The following TTC7B variants were observed in gnomAD, a reference collection of about 807,000 sequenced individuals.
The protein encoded by TTC7B is tetratricopeptide repeat domain 7B.
A neutral mutation model predicts 106.8 loss-of-function variants in TTC7B; 28 were observed. That is an observed-to-expected ratio of 0.26 (90% CI 0.19 to 0.36). The LOEUF is 0.36. Ranked by LOEUF, TTC7B falls within the 10% of genes least tolerant of loss-of-function variation. The probability of loss-of-function intolerance (pLI) is 1.00; values close to 1 mark genes in which losing one functional copy is unlikely to be tolerated. For synonymous variants in TTC7B, 405 were observed against 430.6 expected, an observed-to-expected ratio of 0.94 and a Z score of 0.74; for missense variants, 862 against 1,076.4, an observed-to-expected ratio of 0.80 and a Z score of 2.79.
At position 90,537,373 on chromosome 14, in the gene TTC7B, T is replaced by TGGGGG. The variant is rs57246097; in HGVS notation, c.*3990_*3994dup. On this transcript the variant is annotated 3_prime_UTR_variant, in exon 20 of 20. Transcript: ENST00000328459. Reference sequence around the variant, plus strand: ...GGCTATTTTTTTTTTTTTGTAGAGATGGGGGGGGGGTCTCACCATGTTGCC... The same window carrying TGGGGG: ...GGCTATTTTTTTTTTTTTGTAGAGATGGGGGGGGGGGGGGGTCTCACCATGTTGCC... 6 of 54,448 alleles carry TGGGGG rather than the reference T, an allele frequency of 1.1e-4. No homozygotes were observed. Among genetic ancestry groups the TGGGGG allele is most frequent in the African/African-American group, 3.7e-4 (6 of 16,156 alleles). 3.4% of individuals were successfully genotyped at this position (54,448 alleles called of 1,614,324 possible). A position where few individuals can be genotyped will look rare whatever the true frequency, so the allele number is the denominator to read the frequency against.
In TTC7B at chr14:90,578,131, G is replaced by T. The variant is rs762935964; in HGVS notation, c.2285C>A (p.Thr762Asn). 1 of 1,612,248 alleles carries T rather than the reference G, an allele frequency of 6.2e-7. No individual in the cohort carries two copies. Among genetic ancestry groups the T allele is most frequent in the South Asian group, 1.1e-5 (1 of 90,514 alleles). ...WYEEALAISP[T>N]HVKSMQRLAL... Reference sequence around the variant, plus strand: ...CAGTCGCTGCATGCTCTTCACGTGGGTGGGGCTGATGGCTAAGGCCTCTTC... The same window carrying T: ...CAGTCGCTGCATGCTCTTCACGTGGTTGGGGCTGATGGCTAAGGCCTCTTC... The change falls in exon 19 of 20, where the codon ACC becomes AAC. Residue 762 changes from threonine to asparagine, a missense_variant. Thr to Asn is a moderately conservative substitution (Grantham distance 65, BLOSUM62 0). Coordinates refer to ENST00000328459, the MANE Select transcript of TTC7B (RefSeq NM_001010854.2). The surrounding 1 kb of genome is among the most constrained non-coding windows in gnomAD (Gnocchi z 4.7).
chr14:90,610,965 T>A, intron 16 of TTC7B, 126 bp from the exon 17 acceptor site: 2 of 729,278 alleles, frequency 2.7e-6, no homozygotes, highest in South Asian at 1.5e-5. Flanking sequence ...TTCTTCAGCA[T>A]CTTTCTTATG....
intron 6 of TTC7B, among the ~76,000 whole-genome samples, chr14:90,691,115 A>G (rs1887451908): frequency 6.6e-6 from 1 of 152,170 alleles, no homozygotes; most frequent in Non-Finnish European, 1.5e-5. Flanking sequence ...TAAGCTAATG[A>G]CTTTTGCTGG....
At chr14:90,644,257 GCACACACACACACA>G in intron 14 of TTC7B, 49 bp from the exon 15 acceptor site, 2 of 1,173,356 alleles carry the variant, frequency 1.7e-6, no homozygotes, top group South Asian at 3.3e-5. Context: ...ACATGCACAC[GCACACACACACACA>G]CACACACACG....
chr14:90,574,491 T>G (rs543767589), intron 19 of TTC7B, among the ~76,000 whole-genome samples: 1 of 152,372 alleles, frequency 6.6e-6, no homozygotes, highest in South Asian at 2.1e-4. Flanking sequence ...CACATGAATT[T>G]AGACACATAC....
At chr14:90,646,679 TC>T in intron 14 of TTC7B, 1 of 449,224 alleles carries the variant, frequency 2.2e-6, no homozygotes, top group Non-Finnish European at 4.1e-6. Context: ...CATGTGCTGC[TC>T]CCCAGGTTGC....
chr14:90,633,976 G>A (rs768892448), intron 15 of TTC7B, among the ~76,000 whole-genome samples: 7 of 151,996 alleles, frequency 4.6e-5, no homozygotes, highest in Non-Finnish European at 7.4e-5. Flanking sequence ...CCAGGTTCAA[G>A]TGATTCTCCT....
intron 3 of TTC7B, among the ~76,000 whole-genome samples, chr14:90,763,471 T>C (rs959543776): frequency 6.6e-6 from 1 of 152,182 alleles, no homozygotes; most frequent in African/African-American, 2.4e-5. Flanking sequence ...TCCACTCTGG[T>C]CATTTCTAAT....
intron 3 of TTC7B, among the ~76,000 whole-genome samples, chr14:90,771,850 C>T (rs28667092): frequency 0.32 from 47,571 of 147,528 alleles, 10,892 homozygotes; most frequent in African/African-American, 0.66. Flanking sequence ...TGGTACCTGA[C>T]TTTATTTATA....
intron 4 of TTC7B, 128 bp from the exon 5 acceptor site, chr14:90,730,324 A>AT: frequency 8.8e-7 from 1 of 1,132,740 alleles, no homozygotes; most frequent in African/African-American, 1.6e-5. Context: ...GTGCAGAGGC[A>AT]CAGGTGTAGA....
intron 3 of TTC7B, among the ~76,000 whole-genome samples, chr14:90,746,055 A>T (rs1171564595): frequency 6.6e-6 from 1 of 152,184 alleles, no homozygotes; most frequent in Non-Finnish European, 1.5e-5. Flanking sequence ...GTTTCCTTCA[A>T]ATGCCTCCAT....
intron 5 of TTC7B, among the ~76,000 whole-genome samples, chr14:90,718,403 A>G (rs1219561117): frequency 6.6e-6 from 1 of 152,236 alleles, no homozygotes; most frequent in Admixed American, 6.5e-5. Flanking sequence ...CCCTCCAACC[A>G]CAAAGACAGG....
intron 2 of TTC7B, among the ~76,000 whole-genome samples, chr14:90,785,673 T>C (rs2073330): frequency 0.31 from 47,884 of 152,030 alleles, 10,812 homozygotes; most frequent in African/African-American, 0.65. Context: ...TCCTTGTGCC[T>C]GAGGGTGAGG....
At chr14:90,573,482 G>A (rs1243696631) in intron 19 of TTC7B, among the ~76,000 whole-genome samples, 2 of 125,062 alleles carry the variant, frequency 1.6e-5, no homozygotes, top group South Asian at 2.6e-4. Flanking sequence ...GGCCCTCTCC[G>A]CCTCACGGTC....
intron 8 of TTC7B, 111 bp from the exon 9 acceptor site, chr14:90,676,771 A>G: frequency 8.2e-7 from 1 of 1,213,154 alleles, no homozygotes. Context: ...AATGGAGACA[A>G]GGGTAGGAAT....
At chr14:90,602,170 T>TC in intron 17 of TTC7B, 1 of 456,030 alleles carries the variant, frequency 2.2e-6, no homozygotes, top group Non-Finnish European at 4.4e-6. Flanking sequence ...CACCAGCATT[T>TC]CCCCAAATGC....
chr14:90,785,182 C>T (rs1891344985), intron 2 of TTC7B, among the ~76,000 whole-genome samples: 3 of 152,146 alleles, frequency 2.0e-5, no homozygotes. Flanking sequence ...AAGTCGGGAG[C>T]AGGCTGGAGT....
chr14:90,792,420 T>C (rs1363078482), intron 1 of TTC7B, among the ~76,000 whole-genome samples: 1 of 151,944 alleles, frequency 6.6e-6, no homozygotes, highest in Non-Finnish European at 1.5e-5. Context: ...CTACTAAAAA[T>C]ACAAAAATTA....
chr14:90,813,271 A>G (rs557988103), intron 1 of TTC7B, among the ~76,000 whole-genome samples: 1 of 152,264 alleles, frequency 6.6e-6, no homozygotes, highest in Non-Finnish European at 1.5e-5. Context: ...GATAGCACTG[A>G]CCACCATCTG....
Sources: allele counts gnomAD v4.1 joint callset (sites outside exome capture counted in the v4.1 genomes callset), GRCh38; gene constraint gnomAD v4.1.1; non-coding constraint Gnocchi (gnomAD v3.1); transcripts MANE v1.5; gene names NCBI Gene and HGNC (gene_info 2026-07-23, HGNC 2026-07-21).